SPOCK3: variants seen among roughly 807,000 people sequenced by gnomAD.
SPOCK3 encodes SPARC (osteonectin), cwcv and kazal like domains proteoglycan 3.
SPOCK3 carries 30 observed loss-of-function variants against 56.6 expected under a neutral mutation model. The ratio of observed to expected loss-of-function variants is 0.53; its 90% confidence interval spans 0.40 to 0.72. The LOEUF (loss-of-function observed/expected upper bound fraction) is 0.72, where lower values mean the gene tolerates loss of function less well. Among genes scored for constraint, SPOCK3 ranks in the 30% least tolerant of loss-of-function variants. SPOCK3 has a pLI of 0.00. For missense variants in SPOCK3, 527 were observed against 530.0 expected (o/e 0.99, Z 0.06); for synonymous variants, 196 against 183.3 (o/e 1.07, Z -0.56).
At chr4:166,912,889 C>A in intron 4 of SPOCK3, 146 bp from the exon 5 acceptor site, 2 of 686,532 alleles carry the variant, frequency 2.9e-6, no homozygotes, top group Middle Eastern at 4.3e-4. Context: ...TTTATTATTT[C>A]ATGCCATATT....
At chr4:166,827,753 A>G (rs1745630384) in intron 6 of SPOCK3, among the ~76,000 whole-genome samples, 1 of 151,858 alleles carries the variant, frequency 6.6e-6, no homozygotes, top group African/African-American at 2.4e-5. Context: ...TGTGTTCCCC[A>G]TACATTACAG....
intron 6 of SPOCK3, among the ~76,000 whole-genome samples, chr4:166,825,983 T>TCACCA (rs1745427991): frequency 6.6e-6 from 1 of 151,920 alleles, no homozygotes; most frequent in African/African-American, 2.4e-5. Context: ...ATCTCAGAAA[T>TCACCA]CACCACTAAA....
At chr4:167,043,332 C>T (rs1025794439) in intron 3 of SPOCK3, among the ~76,000 whole-genome samples, 4 of 151,988 alleles carry the variant, frequency 2.6e-5, no homozygotes, top group African/African-American at 9.7e-5. Context: ...ATTCTGCAAC[C>T]TTGTTATAAT....
At chr4:166,742,205 C>T in intron 8 of SPOCK3, 146 bp from the exon 9 acceptor site, 1 of 591,664 alleles carries the variant, frequency 1.7e-6, no homozygotes, top group Non-Finnish European at 3.0e-6. Flanking sequence ...AAGATACATT[C>T]ATATAGGTAC....
At chr4:166,745,488 G>A (rs1051509824) in intron 8 of SPOCK3, among the ~76,000 whole-genome samples, 1 of 152,262 alleles carries the variant, frequency 6.6e-6, no homozygotes, top group Non-Finnish European at 1.5e-5. Flanking sequence ...CCTGAAGAAA[G>A]CACTAAACAT....
intron 2 of SPOCK3, among the ~76,000 whole-genome samples, chr4:167,070,915 C>T (rs1173066838): frequency 6.6e-6 from 1 of 151,984 alleles, no homozygotes; most frequent in African/African-American, 2.4e-5. Context: ...CCAGGTAGCA[C>T]TCATTTTCCA....
intron 2 of SPOCK3, among the ~76,000 whole-genome samples, chr4:167,193,103 G>C (rs1381204956): frequency 6.9e-6 from 1 of 145,438 alleles, no homozygotes; most frequent in Non-Finnish European, 1.5e-5. Context: ...GTGTCTGTTG[G>C]GTCCATTCAT....
chr4:166,787,553 A>G (rs1289353843), intron 7 of SPOCK3, among the ~76,000 whole-genome samples: 1 of 152,224 alleles, frequency 6.6e-6, no homozygotes, highest in African/African-American at 2.4e-5. Context: ...AAATCATAAA[A>G]TAAACAACAT....
At chr4:167,125,066 G>A (rs1281194183) in intron 2 of SPOCK3, among the ~76,000 whole-genome samples, 2 of 151,876 alleles carry the variant, frequency 1.3e-5, no homozygotes, top group African/African-American at 4.8e-5. Flanking sequence ...TTAAAATTTA[G>A]TTTCGTCCCT....
At chr4:167,091,442 C>T (rs1758691054) in intron 2 of SPOCK3, among the ~76,000 whole-genome samples, 1 of 152,038 alleles carries the variant, frequency 6.6e-6, no homozygotes, top group Admixed American at 6.6e-5. Context: ...GCTTAATTTC[C>T]TCATTTGCAA....
rs1008481993 is a variant in SPOCK3, at chr4:167,230,640, A to T, written c.189+3345T>A. 2.0e-5 allele frequency among the ~76,000 whole-genome samples: 3 copies of T among 151,960 alleles called. No homozygotes were observed. The East Asian group carries it at 5.8e-4, about 29-fold the overall frequency. On this transcript the variant is annotated intron_variant, in intron 2 of 10. Transcript: ENST00000357545. ...AAAGCATGCTGGTTCTATCTACTGT[A>T]CTTATGTTTAAATGTGTTGACTTTT...
At chr4:167,071,928 G>C (rs1756727519) in intron 2 of SPOCK3, among the ~76,000 whole-genome samples, 1 of 152,050 alleles carries the variant, frequency 6.6e-6, no homozygotes, top group Non-Finnish European at 1.5e-5. Flanking sequence ...ACTGGTGTGA[G>C]ATGGTATCTC....
At chr4:167,067,946 T>G (rs1236379111) in intron 2 of SPOCK3, among the ~76,000 whole-genome samples, 1 of 151,534 alleles carries the variant, frequency 6.6e-6, no homozygotes, top group Non-Finnish European at 1.5e-5. Flanking sequence ...CATTAATGTA[T>G]CACTGTTTAA....
At chr4:166,957,422 T>C (rs749312014) in intron 4 of SPOCK3, among the ~76,000 whole-genome samples, 12 of 152,216 alleles carry the variant, frequency 7.9e-5, no homozygotes, top group Admixed American at 2.6e-4. Context: ...TAATAATACA[T>C]CAGCCTGAAC....
At chr4:167,198,019 T>C (rs1733132745) in intron 2 of SPOCK3, among the ~76,000 whole-genome samples, 1 of 151,988 alleles carries the variant, frequency 6.6e-6, no homozygotes. Flanking sequence ...TATTCTTTTG[T>C]GTTTGGTCCA....
At chr4:167,105,688 A>C (rs985758573) in intron 2 of SPOCK3, among the ~76,000 whole-genome samples, 1 of 151,774 alleles carries the variant, frequency 6.6e-6, no homozygotes, top group East Asian at 1.9e-4. Context: ...AAGATATAGA[A>C]TGGCTGAATG....
At chr4:167,067,644 C>T (rs1756289691) in intron 2 of SPOCK3, among the ~76,000 whole-genome samples, 1 of 151,694 alleles carries the variant, frequency 6.6e-6, no homozygotes, top group South Asian at 2.1e-4. Context: ...TCATATAAGA[C>T]CTCTGTATAG....
intron 3 of SPOCK3, among the ~76,000 whole-genome samples, chr4:167,034,269 G>A (rs1299809959): frequency 1.3e-5 from 2 of 151,466 alleles, no homozygotes; most frequent in African/African-American, 4.8e-5. Context: ...TCTGAAACAA[G>A]ATATTAGACT....
At chr4:167,119,889 G>A (rs1761725897) in intron 2 of SPOCK3, 3 of 1,464,078 alleles carry the variant, frequency 2.0e-6, no homozygotes, top group Admixed American at 2.4e-5. Context: ...TGCCCCAAAG[G>A]TTTCAACCAA....
Sources: gnomAD v4.1 joint callset for allele counts (sites outside exome capture counted in the v4.1 genomes callset) on GRCh38, gnomAD v4.1.1 for gene constraint, MANE v1.5 for transcripts, NCBI Gene and HGNC (gene_info 2026-07-23, HGNC 2026-07-21) for gene names.